ADGRE1: variants seen among roughly 807,000 people sequenced by gnomAD.
ADGRE1 encodes the protein EGF-like module receptor 1.
In ADGRE1, 82 loss-of-function variants were observed where a neutral mutation model predicts 102.7. The observed-to-expected ratio is 0.80, with a 90% CI of 0.67 to 0.96. The LOEUF (loss-of-function observed/expected upper bound fraction) is 0.96, where lower values mean the gene tolerates loss of function less well. Among genes scored for constraint, ADGRE1 ranks in the 40% least tolerant of loss-of-function variants. The pLI, the probability that ADGRE1 is intolerant of heterozygous loss-of-function variation, is 0.00. For synonymous variants in ADGRE1, 398 were observed against 399.6 expected, an observed-to-expected ratio of 1.00 and a Z score of 0.05; for missense variants, 1,032 against 1,085.3, an observed-to-expected ratio of 0.95 and a Z score of 0.69.
intron 16 of ADGRE1, among the ~76,000 whole-genome samples, chr19:6,927,807 G>T (rs928766383): frequency 6.6e-6 from 1 of 152,058 alleles, no homozygotes; most frequent in South Asian, 2.1e-4. Flanking sequence ...GATTACAGGC[G>T]TGAGACCCCA....
chr19:6,937,319 CCTGTGG>C lies in ADGRE1; in HGVS notation c.2460_2465del (p.Val821_Ala822del). 1 of 1,614,138 alleles carries C rather than the reference CCTGTGG, an allele frequency of 6.2e-7. No individual in the cohort carries two copies. Among genetic ancestry groups the C allele is most frequent in the South Asian group, 1.1e-5 (1 of 91,078 alleles). On this transcript the variant is annotated inframe_deletion, in exon 19 of 21. Transcript: ENST00000312053. ...GGTGCTGGGCATTTTTCAGATTGGA[CCTGTGG>C]CAGGTGTCATGGCTTACCTGTTCAC...
At chr19:6,935,212 C>A in intron 18 of ADGRE1, 134 bp downstream of exon 18, 1 of 473,876 alleles carries the variant, frequency 2.1e-6, no homozygotes, top group South Asian at 5.0e-5. Flanking sequence ...GCATATCACA[C>A]CATCTAGATC....
chr19:6,897,707 A>G, intron 5 of ADGRE1, 160 bp downstream of exon 5: 1 of 735,352 alleles, frequency 1.4e-6, no homozygotes, highest in South Asian at 4.5e-5. Flanking sequence ...CTATCCCTTT[A>G]CTTTGAGCCT....
chr19:6,937,446 C>T (rs374102421), intron 19 of ADGRE1, 35 bp downstream of exon 19: 75 of 1,586,304 alleles, frequency 4.7e-5, no homozygotes, highest in Non-Finnish European at 6.2e-5. Context: ...CCCCCTCCTC[C>T]CATCCCCCTC....
intron 12 of ADGRE1, 83 bp from the exon 13 acceptor site, chr19:6,919,465 T>TGTGTGTGTGTG (rs1974542356): frequency 2.6e-6 from 2 of 761,490 alleles, no homozygotes; most frequent in Admixed American, 4.0e-5. Context: ...TGTGTGTGTG[T>TGTGTGTGTGTG]GTGTGTGTGT....
intron 20 of ADGRE1, among the ~76,000 whole-genome samples, chr19:6,939,208 ATT>A (rs1353172135): frequency 6.6e-6 from 1 of 152,206 alleles, no homozygotes; most frequent in Non-Finnish European, 1.5e-5. Flanking sequence ...TGGATGACAT[ATT>A]CTCTTGGCAA....
intron 17 of ADGRE1, among the ~76,000 whole-genome samples, chr19:6,929,798 G>A (rs1208073389): frequency 6.6e-6 from 1 of 152,100 alleles, no homozygotes; most frequent in African/African-American, 2.4e-5. Flanking sequence ...TGGGATTACA[G>A]GCATATGCCA....
intron 8 of ADGRE1, among the ~76,000 whole-genome samples, chr19:6,904,742 G>A (rs1242946449): frequency 6.6e-6 from 1 of 152,038 alleles, no homozygotes; most frequent in African/African-American, 2.4e-5. Flanking sequence ...TACTGACCTC[G>A]TGATCAGCCC....
intron 20 of ADGRE1, among the ~76,000 whole-genome samples, chr19:6,938,492 A>G (rs1333480049): frequency 6.6e-6 from 1 of 152,142 alleles, no homozygotes; most frequent in Non-Finnish European, 1.5e-5. Context: ...TTTTCCCACT[A>G]GAATGTCTTA....
rs1243082658 is a variant in ADGRE1 at position 6,927,285 on chromosome 19, TTCCC to T, written c.2222+695_2222+698del. ...CCCTTCCTTCCTTGCCTTCCTTCCCTTCCCTCCCTCCCTCTCTTCCTCCCTTCCT... is the reference window on the plus strand; with the variant it reads ...CCCTTCCTTCCTTGCCTTCCTTCCCTTCCCTCCCTCTCTTCCTCCCTTCCT... On this transcript the variant is annotated intron_variant, in intron 16 of 20. Coordinates refer to ENST00000312053, the MANE Select transcript of ADGRE1 (RefSeq NM_001974.5). Among the ~76,000 whole-genome samples the T allele has an allele frequency of 7.2e-5, 5 of 69,554 alleles. No individual in the cohort carries two copies. In the East Asian group the frequency reaches 1.7e-3, roughly 24 times the overall value. 45.6% of individuals were successfully genotyped at this position (69,554 alleles called of 152,430 possible).
chr19:6,911,399 T>TTTTTTTTTTTTTTG, intron 10 of ADGRE1, among the ~76,000 whole-genome samples: 1 of 146,032 alleles, frequency 6.8e-6, no homozygotes, highest in African/African-American at 2.5e-5. Context: ...TTTTTTTTTT[T>TTTTTTTTTTTTTTG]TTTTTTGCTT....
chr19:6,908,021 T>A (rs1301676691), intron 9 of ADGRE1, among the ~76,000 whole-genome samples: 2 of 152,268 alleles, frequency 1.3e-5, no homozygotes, highest in Non-Finnish European at 1.5e-5. Flanking sequence ...TGTGACATGT[T>A]CATGATGGCC....
intron 17 of ADGRE1, among the ~76,000 whole-genome samples, chr19:6,931,977 A>C (rs975464508): frequency 6.6e-5 from 10 of 152,164 alleles, no homozygotes; most frequent in South Asian, 2.1e-4. Flanking sequence ...AAATCTTCAG[A>C]GGCCATAAAT....
intron 12 of ADGRE1, among the ~76,000 whole-genome samples, chr19:6,918,357 C>T (rs1191379968): frequency 6.6e-6 from 1 of 152,020 alleles, no homozygotes; most frequent in East Asian, 1.9e-4. Flanking sequence ...AGGAGAATCG[C>T]TTGAACCCGG....
chr19:6,898,616 G>C, intron 5 of ADGRE1: 1 of 1,449,554 alleles, frequency 6.9e-7, no homozygotes, highest in Admixed American at 1.8e-5. Flanking sequence ...AGCAGCGTCT[G>C]CCCTGAGCAT....
intron 17 of ADGRE1, 146 bp from the exon 18 acceptor site, chr19:6,934,841 A>G (rs1975325841): frequency 5.1e-6 from 2 of 390,174 alleles, no homozygotes; most frequent in Admixed American, 8.3e-5. Flanking sequence ...TCCTGACCTC[A>G]AGAGATCCGC....
intron 13 of ADGRE1, among the ~76,000 whole-genome samples, chr19:6,921,340 T>G (rs1974658828): frequency 6.6e-6 from 1 of 152,096 alleles, no homozygotes; most frequent in African/African-American, 2.4e-5. Flanking sequence ...AAGAATCGCT[T>G]GAACCCCGGA....
At chr19:6,939,262 A>T (rs951606584) in intron 20 of ADGRE1, among the ~76,000 whole-genome samples, 3 of 152,186 alleles carry the variant, frequency 2.0e-5, no homozygotes, top group Admixed American at 1.3e-4. Context: ...GTTTTAATGA[A>T]AAAGACAGTA....
rs761685934 is a variant in ADGRE1, at chr19:6,924,889, C to A, written c.1986+17C>A. 5.0e-6 allele frequency: 8 copies of A among 1,612,146 alleles called. No homozygotes were observed. In the South Asian group the frequency reaches 8.8e-5, roughly 18 times the overall value. On this transcript the variant is annotated intron_variant, in intron 15 of 20. Coordinates refer to ENST00000312053, the MANE Select transcript of ADGRE1 (RefSeq NM_001974.5). ...GACAACAAGGTCTACATCGCTCGGG[C>A]TGTGTCCCCACCAAGCCCCATCTTC...
Sources: gnomAD v4.1 joint callset for allele counts (sites outside exome capture counted in the v4.1 genomes callset) on GRCh38, gnomAD v4.1.1 for gene constraint, MANE v1.5 for transcripts, NCBI Gene and HGNC (gene_info 2026-07-23, HGNC 2026-07-21) for gene names.